ZNF469: variants seen among roughly 807,000 people sequenced by gnomAD.
The protein encoded by ZNF469 is zinc finger protein 469.
A neutral mutation model predicts 1.0 loss-of-function variants in ZNF469; 1 was observed. The ratio of observed to expected loss-of-function variants is 1.00; its 90% confidence interval spans 0.35 to 4.73. The LOEUF (loss-of-function observed/expected upper bound fraction) is 4.73, where lower values mean the gene tolerates loss of function less well. ZNF469 is among the 30% of genes most tolerant of loss of function. The probability of loss-of-function intolerance (pLI) is 0.16; values close to 1 mark genes in which losing one functional copy is unlikely to be tolerated. For missense variants in ZNF469, 6,100 were observed against 5,356.3 expected (o/e 1.14, Z -4.33); for synonymous variants, 2,703 against 2,363.4 (o/e 1.14, Z -4.17).
At chr16:88,300,101 C>G in the ZNF469 span, among the ~76,000 whole-genome samples, 2 of 152,220 alleles carry the variant, frequency 1.3e-5, no homozygotes, top group East Asian at 3.8e-4. Context: ...ACCATTGTCC[C>G]TTGATTGCCT....
chr16:88,243,911 CATATATATATATATATATATAT>C, the ZNF469 span, among the ~76,000 whole-genome samples: 2,319 of 26,304 alleles, frequency 0.088, 177 homozygotes, highest in African/African-American at 0.18. Flanking sequence ...TGGCTGGATG[CATATATATATATATATATATAT>C]ATATATATAT....
At chr16:88,258,942 G>C in the ZNF469 span, among the ~76,000 whole-genome samples, 1 of 152,170 alleles carries the variant, frequency 6.6e-6, no homozygotes, top group Admixed American at 6.5e-5. Flanking sequence ...TGCCTTGTCC[G>C]TGGGGTGGTA....
the ZNF469 span, among the ~76,000 whole-genome samples, chr16:88,189,303 A>C: frequency 3.5e-3 from 527 of 152,242 alleles, 13 homozygotes; most frequent in Admixed American, 0.028. The surrounding 1 kb of genome is among the most constrained non-coding windows in gnomAD (Gnocchi z 4.3). Context: ...TTAGCCCCAC[A>C]AAGGAGAAGG....
chr16:88,429,507 G>T lies in ZNF469; in HGVS notation c.2037G>T (p.Glu679Asp). ...FPFPADGLGAEGAFQCLEETP... is the reference protein window; with the variant it reads ...FPFPADGLGADGAFQCLEETP... ...TTCCCGCAGATGGGCTGGGAGCCGA[G>T]GGTGCCTTCCAGTGCCTGGAGGAGA... Residue 679 changes from glutamate (E) to aspartate (D), a missense_variant, in exon 3 of 3, where the codon GAG becomes GAT. By Grantham distance (45) the Glu-to-Asp change is conservative. Coordinates refer to ENST00000565624, the MANE Select transcript of ZNF469 (RefSeq NM_001367624.2). The T allele has an allele frequency of 3.2e-6, 5 of 1,549,796 alleles. No homozygotes were observed. Among genetic ancestry groups the T allele is most frequent in the Non-Finnish European group, 4.4e-6 (5 of 1,146,770 alleles).
chr16:88,404,549 G>C (rs543878301), intron 1 of ZNF469, among the ~76,000 whole-genome samples: 5 of 152,226 alleles, frequency 3.3e-5, no homozygotes, highest in Admixed American at 2.0e-4. Flanking sequence ...TGGGGATGTC[G>C]TCTGTGCCTG....
At chr16:88,319,541 G>A in the ZNF469 span, among the ~76,000 whole-genome samples, 1 of 152,146 alleles carries the variant, frequency 6.6e-6, no homozygotes, top group East Asian at 1.9e-4. Context: ...TTTTCCATGT[G>A]CAGCGCCTCT....
At chr16:88,272,967 CG>C in the ZNF469 span, among the ~76,000 whole-genome samples, 1 of 140,068 alleles carries the variant, frequency 7.1e-6, no homozygotes, top group Non-Finnish European at 1.5e-5. Context: ...TGTGGATAGA[CG>C]AGTGGACGGA....
the ZNF469 span, among the ~76,000 whole-genome samples, chr16:88,296,138 C>G: frequency 6.6e-6 from 1 of 152,142 alleles, no homozygotes; most frequent in African/African-American, 2.4e-5. Context: ...GGAATTTCCC[C>G]GAGAGTGGCC....
At chr16:88,226,239 T>C in the ZNF469 span, among the ~76,000 whole-genome samples, 1 of 152,162 alleles carries the variant, frequency 6.6e-6, no homozygotes, top group Admixed American at 6.5e-5. Flanking sequence ...ATGTTAAGGC[T>C]TCACCCCCAG....
chr16:88,381,002 TCACA>T (rs1180081484), upstream of ZNF469, among the ~76,000 whole-genome samples: 3 of 80,008 alleles, frequency 3.7e-5, no homozygotes, highest in African/African-American at 1.0e-4. Flanking sequence ...AGACATGCAC[TCACA>T]CACATGCGCT....
the ZNF469 span, among the ~76,000 whole-genome samples, chr16:88,171,602 CT>C: frequency 3.3e-5 from 5 of 152,202 alleles, no homozygotes; most frequent in African/African-American, 1.2e-4. Context: ...TCTCCATGAT[CT>C]CCAGTGAATA....
chr16:88,290,957 C>G, the ZNF469 span, among the ~76,000 whole-genome samples: 110,080 of 151,804 alleles, frequency 0.73, 40,472 homozygotes, highest in East Asian at 0.94. Flanking sequence ...GATCGGAGCG[C>G]GTCAGCCTTG....
the ZNF469 span, among the ~76,000 whole-genome samples, chr16:88,269,209 C>T: frequency 6.6e-6 from 1 of 152,204 alleles, no homozygotes; most frequent in Non-Finnish European, 1.5e-5. Flanking sequence ...CTTTCCACGG[C>T]CGGCTGGGGC....
At chr16:88,220,115 C>T in the ZNF469 span, among the ~76,000 whole-genome samples, 1 of 152,168 alleles carries the variant, frequency 6.6e-6, no homozygotes, top group African/African-American at 2.4e-5. Flanking sequence ...TAGCCGTTCT[C>T]AGTAAGCCAT....
At chr16:88,272,698 A>G in the ZNF469 span, among the ~76,000 whole-genome samples, 1 of 149,828 alleles carries the variant, frequency 6.7e-6, no homozygotes, top group African/African-American at 2.5e-5. Flanking sequence ...GAGTGGACGG[A>G]TGGATGAACG....
chr16:88,261,400 T>C, the ZNF469 span, among the ~76,000 whole-genome samples: 1 of 152,148 alleles, frequency 6.6e-6, no homozygotes, highest in African/African-American at 2.4e-5. The surrounding 1 kb of genome is among the most constrained non-coding windows in gnomAD (Gnocchi z 6.0). Context: ...TAAGTACATG[T>C]GCCGCAGCCC....
At chr16:88,325,186 T>A in the ZNF469 span, among the ~76,000 whole-genome samples, 17 of 103,388 alleles carry the variant, frequency 1.6e-4, no homozygotes, top group African/African-American at 8.0e-4. Context: ...AGTCCTCACC[T>A]GCACACTCCA....
chr16:88,301,358 G>A, the ZNF469 span, among the ~76,000 whole-genome samples: 2 of 152,124 alleles, frequency 1.3e-5, no homozygotes, highest in African/African-American at 2.4e-5. Flanking sequence ...GTCTCACCAT[G>A]TTAGCCAGGA....
the ZNF469 span, among the ~76,000 whole-genome samples, chr16:88,342,948 G>C: frequency 1.3e-5 from 2 of 152,240 alleles, no homozygotes; most frequent in Admixed American, 6.5e-5. Flanking sequence ...GGGCAGCAAG[G>C]CTGGGCTCAA....
Sources: allele counts gnomAD v4.1 joint callset (sites outside exome capture counted in the v4.1 genomes callset), GRCh38; gene constraint gnomAD v4.1.1; non-coding constraint Gnocchi (gnomAD v3.1); transcripts MANE v1.5; gene names NCBI Gene and HGNC (gene_info 2026-07-23, HGNC 2026-07-21).